ME3: variants seen among roughly 807,000 people sequenced by gnomAD.
The protein encoded by ME3 is NADP-dependent malic enzyme, mitochondrial.
In ME3, 48 loss-of-function variants were observed where a neutral mutation model predicts 68.9. The observed-to-expected ratio is 0.70, with a 90% CI of 0.55 to 0.89. ME3 has a LOEUF of 0.89. Ranked by LOEUF, ME3 falls within the 40% of genes least tolerant of loss-of-function variation. The pLI, the probability that ME3 is intolerant of heterozygous loss-of-function variation, is 0.00. For missense variants in ME3, 675 were observed against 797.4 expected (o/e 0.85, Z 1.85); for synonymous variants, 320 against 318.8 (o/e 1.00, Z -0.04).
At chr11:86,514,238 C>T (rs1274215110) in intron 4 of ME3, among the ~76,000 whole-genome samples, 1 of 152,156 alleles carries the variant, frequency 6.6e-6, no homozygotes, top group African/African-American at 2.4e-5. Context: ...TGTGGAACTG[C>T]AAGTCTATTA....
chr11:86,650,758 G>C (rs688119), intron 2 of ME3, among the ~76,000 whole-genome samples: 29,448 of 152,070 alleles, frequency 0.19, 2,989 homozygotes, highest in African/African-American at 0.24. Context: ...CAGGACAGTG[G>C]GTGCAGCACA....
intron 8 of ME3, among the ~76,000 whole-genome samples, chr11:86,456,836 T>C (rs1265143696): frequency 2.6e-5 from 4 of 152,218 alleles, no homozygotes; most frequent in Non-Finnish European, 5.9e-5. Context: ...GGCTCTGTGC[T>C]GTGTGCTTAC....
chr11:86,564,526 A>G (rs1957390126), intron 2 of ME3, among the ~76,000 whole-genome samples: 1 of 151,958 alleles, frequency 6.6e-6, no homozygotes, highest in South Asian at 2.1e-4. Context: ...GGAATAGAAT[A>G]AAGAGTTCGT....
chr11:86,519,633 A>G (rs1954125489), intron 4 of ME3, among the ~76,000 whole-genome samples: 1 of 152,374 alleles, frequency 6.6e-6, no homozygotes, highest in South Asian at 2.1e-4. Context: ...GCTGTTGCCA[A>G]TGGAACCACC....
chr11:86,445,092 C>G (rs773788028), intron 13 of ME3, among the ~76,000 whole-genome samples: 4 of 152,180 alleles, frequency 2.6e-5, no homozygotes, highest in Non-Finnish European at 4.4e-5. Context: ...ACTTTGCTTT[C>G]AGGCTGACTT....
chr11:86,560,748 G>GTGTATGTGTATATATATATATATATATA (rs1243025217), intron 2 of ME3, among the ~76,000 whole-genome samples: 954 of 62,290 alleles, frequency 0.015, 35 homozygotes, highest in African/African-American at 0.024. Flanking sequence ...GTGTGTGTGT[G>GTGTATGTGTATATATATATATATATATA]TATATATATA....
chr11:86,531,979 A>T (rs1354547478), intron 4 of ME3, among the ~76,000 whole-genome samples: 2 of 101,782 alleles, frequency 2.0e-5, no homozygotes, highest in Non-Finnish European at 4.3e-5. Flanking sequence ...AGTATAATTA[A>T]AAAAAACCAA....
At chr11:86,648,099 G>A (rs150109066) in intron 2 of ME3, among the ~76,000 whole-genome samples, 443 of 152,310 alleles carry the variant, frequency 2.9e-3, no homozygotes, top group Non-Finnish European at 5.2e-3. Context: ...TTAGGATTAA[G>A]AAACTCACTC....
At chr11:86,625,577 C>T (rs1028641976) in intron 2 of ME3, among the ~76,000 whole-genome samples, 2 of 152,154 alleles carry the variant, frequency 1.3e-5, no homozygotes, top group African/African-American at 4.8e-5. Context: ...CAGATTCCTT[C>T]TCCATGTATT....
intron 8 of ME3, chr11:86,457,607 C>T (rs928193934): frequency 1.6e-6 from 2 of 1,232,136 alleles, no homozygotes; most frequent in Non-Finnish European, 1.0e-6. Context: ...TTGGGGTGCT[C>T]TTGGGCTATG....
At chr11:86,517,211 A>G (rs1454116316) in intron 4 of ME3, among the ~76,000 whole-genome samples, 3 of 152,122 alleles carry the variant, frequency 2.0e-5, no homozygotes, top group Non-Finnish European at 4.4e-5. Flanking sequence ...GCTTTGGCCA[A>G]TAAAATGCAA....
chr11:86,489,235 A>T (rs1951858075), intron 6 of ME3: 1 of 152,194 alleles, frequency 6.6e-6, no homozygotes, highest in African/African-American at 2.4e-5. Flanking sequence ...TCGGGGGCTT[A>T]CAATCAAGTC....
At position 86,508,775 on chromosome 11, in the gene ME3, T is replaced by C. The variant is rs1953279070; in HGVS notation, c.543+17A>G. 3.1e-6 allele frequency: 5 copies of C among 1,595,738 alleles called. No homozygotes were observed. Among genetic ancestry groups the C allele is most frequent in the Non-Finnish European group, 4.3e-6 (5 of 1,163,362 alleles). On this transcript the variant is annotated intron_variant, in intron 5 of 14. Transcript: ENST00000543262. ...TCACCCAACAATGATTAAATAGCAA[T>C]GAAAACGGGATCATACCTTAATATT...
At chr11:86,556,591 C>T (rs17211115) in exon 4 of ME3, 301,469 of 1,613,746 alleles carry the variant, frequency 0.19, 32,561 homozygotes, top group East Asian at 0.51. Flanking sequence ...GCTGACAGGC[C>T]AGCCCCACGG....
At chr11:86,497,250 G>A (rs1309127499) in intron 6 of ME3, among the ~76,000 whole-genome samples, 1 of 152,212 alleles carries the variant, frequency 6.6e-6, no homozygotes, top group African/African-American at 2.4e-5. Flanking sequence ...CTCCCAAAGT[G>A]CTGGGAACAC....
intron 2 of ME3, among the ~76,000 whole-genome samples, chr11:86,656,709 T>C (rs1945902960): frequency 6.6e-6 from 1 of 152,056 alleles, no homozygotes; most frequent in African/African-American, 2.4e-5. Context: ...GTAACAAACC[T>C]GCACGTTGTG....
intron 2 of ME3, among the ~76,000 whole-genome samples, chr11:86,603,742 A>T (rs1380555824): frequency 1.3e-5 from 2 of 152,066 alleles, no homozygotes; most frequent in African/African-American, 4.8e-5. Context: ...TGGCACATAT[A>T]CACCATGGAA....
chr11:86,469,337 A>G (rs1173466001), intron 7 of ME3, among the ~76,000 whole-genome samples: 1 of 152,162 alleles, frequency 6.6e-6, no homozygotes, highest in Non-Finnish European at 1.5e-5. Context: ...TCTCTGTGAG[A>G]GCAACATGTG....
intron 2 of ME3, among the ~76,000 whole-genome samples, chr11:86,598,379 C>T (rs1372621104): frequency 1.3e-5 from 2 of 152,230 alleles, no homozygotes; most frequent in African/African-American, 2.4e-5. Context: ...AACTGCAAGG[C>T]AGCAGCAAGG....
Sources: allele counts gnomAD v4.1 joint callset (sites outside exome capture counted in the v4.1 genomes callset), GRCh38; gene constraint gnomAD v4.1.1; transcripts MANE v1.5; gene names NCBI Gene and HGNC (gene_info 2026-07-23, HGNC 2026-07-21).